RFFL: variants seen among roughly 807,000 people sequenced by gnomAD.
The protein encoded by RFFL is E3 ubiquitin-protein ligase rififylin.
In RFFL, 16 loss-of-function variants were observed where a neutral mutation model predicts 40.4. The observed-to-expected ratio is 0.40, with a 90% confidence interval of 0.27 to 0.60. The LOEUF (loss-of-function observed/expected upper bound fraction) is 0.60, where lower values mean the gene tolerates loss of function less well. Among genes scored for constraint, RFFL ranks in the 20% least tolerant of loss-of-function variants. The pLI, the probability that RFFL is intolerant of heterozygous loss-of-function variation, is 0.47. For missense variants in RFFL, 367 were observed against 451.7 expected, an observed-to-expected ratio of 0.81 and a Z score of 1.70; for synonymous variants, 154 against 167.9, an observed-to-expected ratio of 0.92 and a Z score of 0.64.
At chr17:35,031,475 T>C (rs2091082782) in intron 1 of RFFL, among the ~76,000 whole-genome samples, 1 of 152,034 alleles carries the variant, frequency 6.6e-6, no homozygotes, top group Admixed American at 6.5e-5. Context: ...AACCAGTGCC[T>C]TGCTGTTTCC....
At chr17:35,065,909 A>G (rs1369870852), upstream of RFFL, among the ~76,000 whole-genome samples, 3 of 152,196 alleles carry the variant, frequency 2.0e-5, no homozygotes, top group East Asian at 5.8e-4. Context: ...TTATGAGAAT[A>G]TGAGGCTATG....
chr17:35,039,104 A>C (rs2091145475), intron 1 of RFFL, among the ~76,000 whole-genome samples: 1 of 152,054 alleles, frequency 6.6e-6, no homozygotes, highest in South Asian at 2.1e-4. Flanking sequence ...ATGGGGTTTC[A>C]TCAAGTTGCC....
intron 4 of RFFL, among the ~76,000 whole-genome samples, chr17:35,017,166 G>A (rs1251912874): frequency 6.6e-6 from 1 of 151,992 alleles, no homozygotes; most frequent in Non-Finnish European, 1.5e-5. Context: ...CTGGCTAATT[G>A]TCTGACCTCC....
chr17:35,041,438 T>A (rs2091164446), intron 1 of RFFL, among the ~76,000 whole-genome samples: 1 of 152,124 alleles, frequency 6.6e-6, no homozygotes, highest in South Asian at 2.1e-4. Flanking sequence ...AAAAAAAAGT[T>A]CTTTAATGGA....
chr17:35,070,514 A>C (rs1391333461), intron 1 of RFFL, among the ~76,000 whole-genome samples: 1 of 152,242 alleles, frequency 6.6e-6, no homozygotes, highest in Non-Finnish European at 1.5e-5. Flanking sequence ...ACATAAACCA[A>C]AACAATTTGA....
chr17:35,057,649 C>T (rs977724906), intron 1 of RFFL, among the ~76,000 whole-genome samples: 30 of 147,624 alleles, frequency 2.0e-4, no homozygotes, highest in Non-Finnish European at 1.5e-4. Flanking sequence ...TGCTAAATTT[C>T]CATACCTCAA....
chr17:35,067,697 C>T (rs531455583), upstream of RFFL, among the ~76,000 whole-genome samples: 35 of 152,198 alleles, frequency 2.3e-4, no homozygotes, highest in South Asian at 4.1e-4. Context: ...TCAAGTGATC[C>T]GCCCGTCTCA....
chr17:35,075,961 C>T (rs10083888), intron 1 of RFFL, among the ~76,000 whole-genome samples: 16,196 of 150,726 alleles, frequency 0.11, 899 homozygotes, highest in South Asian at 0.14. Context: ...ATACAAGCAC[C>T]CAATGCAAAT....
intron 1 of RFFL, among the ~76,000 whole-genome samples, chr17:35,038,480 A>T (rs1029312996): frequency 5.3e-5 from 8 of 152,152 alleles, no homozygotes; most frequent in Non-Finnish European, 1.2e-4. Flanking sequence ...ATTCACCCAA[A>T]CAGTATACAG....
chr17:35,041,005 A>C (rs1008686844), intron 1 of RFFL, among the ~76,000 whole-genome samples: 5 of 151,474 alleles, frequency 3.3e-5, no homozygotes, highest in African/African-American at 1.2e-4. Flanking sequence ...CAGGCTCCCA[A>C]AGCTCTGGGA....
At chr17:35,050,689 A>G (rs567779050) in intron 1 of RFFL, among the ~76,000 whole-genome samples, 142 of 152,318 alleles carry the variant, frequency 9.3e-4, no homozygotes, top group Non-Finnish European at 1.5e-3. Context: ...TAATTAAAAT[A>G]AAAGGATGGA....
At chr17:35,077,981 G>C (rs2091385303) in intron 1 of RFFL, among the ~76,000 whole-genome samples, 1 of 152,106 alleles carries the variant, frequency 6.6e-6, no homozygotes, top group African/African-American at 2.4e-5. Context: ...ACTTTTCTGT[G>C]CTTTAAATTC....
At chr17:35,056,251 A>G (rs1447128989) in intron 1 of RFFL, among the ~76,000 whole-genome samples, 1 of 151,972 alleles carries the variant, frequency 6.6e-6, no homozygotes, top group African/African-American at 2.4e-5. Flanking sequence ...TTTGACATCA[A>G]TGACCACTCT....
At chr17:35,025,395 G>A (rs1051819337) in intron 2 of RFFL, 1 of 152,136 alleles carries the variant, frequency 6.6e-6, no homozygotes, top group African/African-American at 2.4e-5. Flanking sequence ...TATTTGTCAG[G>A]AATTTAACAC....
intron 1 of RFFL, among the ~76,000 whole-genome samples, chr17:35,071,040 T>C (rs1281145602): frequency 6.6e-6 from 1 of 150,864 alleles, no homozygotes; most frequent in African/African-American, 2.4e-5. Context: ...CTACTAAAAA[T>C]ACAAAAAATT....
chr17:35,036,275 G>T (rs1256944698), intron 1 of RFFL: 1 of 152,168 alleles, frequency 6.6e-6, no homozygotes, highest in African/African-American at 2.4e-5. Flanking sequence ...AACTAATTGT[G>T]AGGTGTAGAA....
intron 2 of RFFL, among the ~76,000 whole-genome samples, chr17:35,022,596 G>C (rs2091016278): frequency 6.6e-6 from 1 of 152,182 alleles, no homozygotes; most frequent in Non-Finnish European, 1.5e-5. Flanking sequence ...AAGGTCTGTT[G>C]GAGGCTAATG....
chr17:35,035,079 A>AT (rs1481076808), intron 1 of RFFL, among the ~76,000 whole-genome samples: 1 of 152,198 alleles, frequency 6.6e-6, no homozygotes, highest in Admixed American at 6.5e-5. Context: ...CTCTGAAAGA[A>AT]GAGCTATCAG....
At chr17:35,014,854 A>C (rs2090964079) in intron 5 of RFFL, 91 bp from the exon 6 acceptor site, 2 of 1,288,124 alleles carry the variant, frequency 1.6e-6, no homozygotes, top group Non-Finnish European at 2.3e-6. Context: ...CTGAACTCTT[A>C]CCACTCCCTG....
Sources: gnomAD v4.1 joint callset for allele counts (sites outside exome capture counted in the v4.1 genomes callset) on GRCh38, gnomAD v4.1.1 for gene constraint, MANE v1.5 for transcripts, NCBI Gene and HGNC (gene_info 2026-07-23, HGNC 2026-07-21) for gene names.